Variants in USH2A observed in about 807,000 individuals in gnomAD.
USH2A encodes the protein Usher syndrome 2A (autosomal recessive, mild).
USH2A carries 443 observed loss-of-function variants against 538.9 expected under a neutral mutation model. The observed-to-expected ratio is 0.82, with a 90% CI of 0.76 to 0.89. The LOEUF (loss-of-function observed/expected upper bound fraction) is 0.89, where lower values mean the gene tolerates loss of function less well. USH2A is among the 40% of genes least tolerant of loss of function. USH2A has a pLI of 0.00. For synonymous variants in USH2A, 2,413 were observed against 2,273.5 expected, an observed-to-expected ratio of 1.06 and a Z score of -1.75; for missense variants, 6,633 against 6,324.8, an observed-to-expected ratio of 1.05 and a Z score of -1.65.
intron 9 of USH2A, among the ~76,000 whole-genome samples, chr1:216,299,132 G>A (rs550080220): frequency 3.3e-5 from 5 of 152,120 alleles, no homozygotes; most frequent in South Asian, 4.2e-4. Flanking sequence ...GTGAGCCACC[G>A]TGCCTGTCCG....
intron 35 of USH2A, among the ~76,000 whole-genome samples, chr1:215,974,955 C>A (rs1485796268): frequency 6.6e-6 from 1 of 152,156 alleles, no homozygotes; most frequent in East Asian, 1.9e-4. Context: ...TTCCCACCAA[C>A]AGTATATAAG....
chr1:216,137,988 T>C (rs1158903508), intron 21 of USH2A, among the ~76,000 whole-genome samples: 1 of 152,186 alleles, frequency 6.6e-6, no homozygotes, highest in Non-Finnish European at 1.5e-5. Context: ...AACTTTCATC[T>C]AAAGGAGGAG....
Position 216,200,014 on chromosome 1 carries a change from TGTAA to T in USH2A, c.3420_3423del (p.Tyr1141ArgfsTer11). ...CCCTCTGGGACCCCTGGTTTTGTCT[TGTAA>T]GTGACAGCTACACTCCTTGTTGAAC... On this transcript the variant is annotated frameshift_variant, in exon 17 of 72. Transcript: ENST00000307340. LOFTEE classifies it high-confidence loss of function. The T allele has an allele frequency of 1.9e-6, 3 of 1,614,098 alleles. No individual in the cohort carries two copies. Among genetic ancestry groups the T allele is most frequent in the Non-Finnish European group, 2.5e-6 (3 of 1,179,994 alleles).
rs557509856 is a variant in USH2A at position 215,648,747 on chromosome 1, G to A, written c.14363C>T (p.Thr4788Ile). The change falls in exon 66 of 72, where the codon ACC (threonine) becomes ATC (isoleucine). Residue 4788 changes from threonine (T) to isoleucine (I), a missense_variant. Transcript: ENST00000307340. ...AETVLSEGMA[T>I]QQTLHGLQAF... The stretch of plus-strand genomic sequence containing the variant: ...TTGAAGGCCATGGAGAGTCTGCTGG[G>A]TGGCCATGCCTTCGGATAGCTGTGG... The A allele has an allele frequency of 1.3e-5, 21 of 1,614,148 alleles. No homozygotes were observed. The South Asian group carries it at 2.3e-4, about 18-fold the overall frequency.
At chr1:216,052,420 T>G (rs2030822143) in intron 30 of USH2A, among the ~76,000 whole-genome samples, 1 of 151,618 alleles carries the variant, frequency 6.6e-6, no homozygotes, top group African/African-American at 2.4e-5. Context: ...TCTTGCCAAC[T>G]TTGGATCAAA....
chr1:215,823,335 T>G (rs1400271912), intron 47 of USH2A, among the ~76,000 whole-genome samples: 1 of 152,072 alleles, frequency 6.6e-6, no homozygotes, highest in South Asian at 2.1e-4. Context: ...ATTTGTTTTT[T>G]TATTTCAGCA....
intron 69 of USH2A, among the ~76,000 whole-genome samples, chr1:215,635,419 T>A (rs1656444635): frequency 1.3e-5 from 2 of 152,120 alleles, no homozygotes; most frequent in Admixed American, 1.3e-4. Flanking sequence ...TTGGTGTGAG[T>A]CTCTGCACAT....
intron 21 of USH2A, among the ~76,000 whole-genome samples, chr1:216,114,510 T>C (rs774443152): frequency 3.9e-5 from 6 of 152,162 alleles, no homozygotes; most frequent in Non-Finnish European, 1.5e-5. Flanking sequence ...TAGGTAACTA[T>C]GTTTCTAGTT....
chr1:216,282,980 C>T lies in USH2A; in HGVS notation c.1971+6300G>A, dbSNP rs1403166684. On this transcript the variant is annotated intron_variant, in intron 11 of 71. Transcript: ENST00000307340. ...TAATCTTTTGGTGATTTTTAAAAGA[C>T]GTTTTCTTAATTTTATTTTCAGATT... Among the ~76,000 whole-genome samples the T allele has an allele frequency of 3.9e-5, 6 of 152,100 alleles. No individual in the cohort carries two copies. In the South Asian group the frequency reaches 8.3e-4, roughly 21 times the overall value.
chr1:216,066,229 G>C (rs1407502775), intron 30 of USH2A, among the ~76,000 whole-genome samples: 1 of 151,962 alleles, frequency 6.6e-6, no homozygotes, highest in African/African-American at 2.4e-5. Flanking sequence ...CCAGCACTTT[G>C]GGAGGCCAAG....
At position 216,097,166 on chromosome 1, in the gene USH2A, A is replaced by G; in HGVS notation, c.4675T>C (p.Phe1559Leu). Residue 1559 changes from phenylalanine to leucine, a missense_variant, in exon 22 of 72, where the codon TTT becomes CTT. Transcript: ENST00000307340. ...RTKVPEGLIVFAASPGNQEEY... is the reference protein window; with the variant it reads ...RTKVPEGLIVLAASPGNQEEY... ...TCCTGATTGCCAGGTGATGCTGCAAAGACAATCAAACCTTCAGGCACTTTT... is the reference window on the plus strand; with the variant it reads ...TCCTGATTGCCAGGTGATGCTGCAAGGACAATCAAACCTTCAGGCACTTTT... 1 of 1,614,180 alleles carries G rather than the reference A, an allele frequency of 6.2e-7. No homozygotes were observed. Among genetic ancestry groups the G allele is most frequent in the Non-Finnish European group, 8.5e-7 (1 of 1,180,016 alleles).
intron 37 of USH2A, among the ~76,000 whole-genome samples, chr1:215,943,063 A>G (rs1026203080): frequency 6.6e-6 from 1 of 152,224 alleles, no homozygotes; most frequent in Non-Finnish European, 1.5e-5. Context: ...AGGTCGAAAG[A>G]AGACTGACTA....
chr1:215,842,766 CACATGG>C (rs113986251), intron 46 of USH2A, among the ~76,000 whole-genome samples: 5,961 of 152,016 alleles, frequency 0.039, 136 homozygotes, highest in African/African-American at 0.068. Context: ...ACAGTGAGAA[CACATGG>C]ACACAGCGAG....
chr1:215,943,362 C>G (rs668837), intron 37 of USH2A, among the ~76,000 whole-genome samples: 36,851 of 151,842 alleles, frequency 0.24, 4,985 homozygotes, highest in Non-Finnish European at 0.31. Context: ...TAGAAAAAGC[C>G]AGGAACAGAA....
At chr1:216,335,551 A>C (rs906935594) in intron 4 of USH2A, among the ~76,000 whole-genome samples, 1 of 151,666 alleles carries the variant, frequency 6.6e-6, no homozygotes, top group East Asian at 1.9e-4. Flanking sequence ...CCAAGAAAAG[A>C]GATGACTCTA....
chr1:215,860,841 G>T (rs1234045664), intron 44 of USH2A, among the ~76,000 whole-genome samples: 10 of 152,172 alleles, frequency 6.6e-5, no homozygotes, highest in Non-Finnish European at 1.2e-4. Flanking sequence ...GGGAGGTAAT[G>T]TTGCTCAAAT....
intron 3 of USH2A, among the ~76,000 whole-genome samples, chr1:216,408,078 A>G (rs1330788367): frequency 6.6e-6 from 1 of 152,172 alleles, no homozygotes; most frequent in East Asian, 1.9e-4. Flanking sequence ...CTGAGAAACC[A>G]CCATTTTCTA....
intron 21 of USH2A, among the ~76,000 whole-genome samples, chr1:216,118,808 C>T (rs1033534166): frequency 6.6e-6 from 1 of 152,202 alleles, no homozygotes; most frequent in Non-Finnish European, 1.5e-5. Flanking sequence ...TCCTGTCAGC[C>T]ACCCATTAAA....
At chr1:215,819,124 A>G (rs572050403) in intron 47 of USH2A, among the ~76,000 whole-genome samples, 1 of 151,990 alleles carries the variant, frequency 6.6e-6, no homozygotes, top group African/African-American at 2.4e-5. Context: ...TAGCATTCCC[A>G]TATATACTTT....
Sources: gnomAD v4.1 joint callset for allele counts (sites outside exome capture counted in the v4.1 genomes callset) on GRCh38, gnomAD v4.1.1 for gene constraint, MANE v1.5 for transcripts, NCBI Gene and HGNC (gene_info 2026-07-23, HGNC 2026-07-21) for gene names.